Variants in BNC2 observed in about 807,000 individuals in gnomAD.
BNC2 encodes zinc finger protein basonuclin-2.
BNC2 carries 20 observed loss-of-function variants against 76.3 expected under a neutral mutation model. The observed-to-expected ratio is 0.26, with a 90% confidence interval of 0.18 to 0.38. The LOEUF (loss-of-function observed/expected upper bound fraction) is 0.38. Ranked by LOEUF, BNC2 falls within the 10% of genes least tolerant of loss-of-function variation. The pLI, the probability that BNC2 is intolerant of heterozygous loss-of-function variation, is 1.00. For missense variants in BNC2, 1,382 were observed against 1,399.8 expected (o/e 0.99, Z 0.20); for synonymous variants, 582 against 514.8 (o/e 1.13, Z -1.77).
chr9:16,515,123 G>A (rs941258812), intron 5 of BNC2, among the ~76,000 whole-genome samples: 1 of 152,170 alleles, frequency 6.6e-6, no homozygotes, highest in East Asian at 1.9e-4. Context: ...TGTTAATATT[G>A]CAAGTGGAAG....
intron 5 of BNC2, among the ~76,000 whole-genome samples, chr9:16,443,955 T>C (rs558245585): frequency 6.6e-6 from 1 of 152,298 alleles, no homozygotes; most frequent in Admixed American, 6.5e-5. Context: ...GCGGATTTTA[T>C]TGTATGGAAA....
intron 1 of BNC2, among the ~76,000 whole-genome samples, chr9:16,810,169 A>T (rs1194350330): frequency 6.6e-6 from 1 of 152,230 alleles, no homozygotes; most frequent in Non-Finnish European, 1.5e-5. Context: ...TAAAAAGAAT[A>T]TCATTATAAT....
At chr9:16,660,209 C>CTTCG (rs1165947631) in intron 3 of BNC2, among the ~76,000 whole-genome samples, 1 of 152,204 alleles carries the variant, frequency 6.6e-6, no homozygotes, top group Non-Finnish European at 1.5e-5. Context: ...AATCCCAGCA[C>CTTCG]TTCGGGAGGC....
intron 3 of BNC2, among the ~76,000 whole-genome samples, chr9:16,644,256 T>C (rs1206341909): frequency 6.6e-6 from 1 of 152,202 alleles, no homozygotes; most frequent in Non-Finnish European, 1.5e-5. Context: ...ATATCTAGAA[T>C]AACCTTAGGT....
At chr9:16,560,525 A>C (rs372533589) in intron 4 of BNC2, among the ~76,000 whole-genome samples, 3 of 149,136 alleles carry the variant, frequency 2.0e-5, no homozygotes, top group African/African-American at 7.6e-5. Context: ...CTGCCTGGAC[A>C]ACACAGTGAA....
chr9:16,715,340 A>G (rs977245039), intron 3 of BNC2, among the ~76,000 whole-genome samples: 5 of 152,214 alleles, frequency 3.3e-5, no homozygotes, highest in Admixed American at 3.3e-4. Context: ...CAGCACCAGA[A>G]ATATATTTAC....
At chr9:16,576,127 C>T (rs1819478536) in intron 4 of BNC2, among the ~76,000 whole-genome samples, 1 of 152,170 alleles carries the variant, frequency 6.6e-6, no homozygotes, top group African/African-American at 2.4e-5. Context: ...AGTGCCTGTG[C>T]TACTGTTCAC....
At position 16,595,811 on chromosome 9, in the gene BNC2, G is replaced by A. The variant is rs111672467; in HGVS notation, c.331-12726C>T. On this transcript the variant is annotated intron_variant, in intron 3 of 6. Transcript: ENST00000380672. ...AAAACAAATGCTTCAACATCACTGA[G>A]CAAAGCAAGAGACCTATGTAATGGT... 5.3e-3 allele frequency among the ~76,000 whole-genome samples: 812 copies of A among 152,182 alleles called. 6 individuals carry two copies. The highest frequency in any genetic ancestry group is 0.018 in the African/African-American group (766 of 41,494).
chr9:16,501,117 C>A (rs1563812618), intron 5 of BNC2, among the ~76,000 whole-genome samples: 2 of 100,866 alleles, frequency 2.0e-5, no homozygotes, highest in Admixed American at 8.8e-5. Context: ...ATCATACTTA[C>A]TACAGAGTTG....
chr9:16,544,213 A>T (rs1361571313), intron 5 of BNC2, among the ~76,000 whole-genome samples: 1 of 152,182 alleles, frequency 6.6e-6, no homozygotes, highest in Non-Finnish European at 1.5e-5. Context: ...GAGATCTCCT[A>T]TCTCAATATA....
intron 1 of BNC2, among the ~76,000 whole-genome samples, chr9:16,760,832 G>A (rs889387182): frequency 6.6e-6 from 1 of 152,078 alleles, no homozygotes; most frequent in African/African-American, 2.4e-5. Flanking sequence ...AATTTGGGGA[G>A]GAGAGGGAAA....
At chr9:16,736,678 G>C (rs2085973680) in intron 2 of BNC2, among the ~76,000 whole-genome samples, 1 of 151,626 alleles carries the variant, frequency 6.6e-6, no homozygotes, top group South Asian at 2.1e-4. Flanking sequence ...GTTTCAACAT[G>C]TTGGTCAGGC....
intron 1 of BNC2, among the ~76,000 whole-genome samples, chr9:16,801,743 A>AC (rs71327863): frequency 0.57 from 85,403 of 148,712 alleles, 27,779 homozygotes; most frequent in Non-Finnish European, 0.76. Flanking sequence ...AAAAAAAAAA[A>AC]ACACACACAC....
intron 3 of BNC2, among the ~76,000 whole-genome samples, chr9:16,682,418 A>C (rs1822852523): frequency 1.3e-5 from 2 of 151,886 alleles, no homozygotes; most frequent in Admixed American, 1.3e-4. Flanking sequence ...CCGTGATTCC[A>C]GAAGTGAATG....
At chr9:16,592,220 T>C (rs968318534) in intron 3 of BNC2, among the ~76,000 whole-genome samples, 65 of 152,278 alleles carry the variant, frequency 4.3e-4, no homozygotes, top group African/African-American at 1.4e-3. Flanking sequence ...CTGGGAAAAG[T>C]TGACCTTTGA....
chr9:16,769,853 C>A (rs953319744), intron 1 of BNC2, among the ~76,000 whole-genome samples: 1 of 152,086 alleles, frequency 6.6e-6, no homozygotes. Context: ...GTGAGAAAAC[C>A]CTGATGCTGT....
chr9:16,719,097 G>A (rs989826369), intron 3 of BNC2, among the ~76,000 whole-genome samples: 1 of 152,114 alleles, frequency 6.6e-6, no homozygotes, highest in African/African-American at 2.4e-5. Context: ...TTAGGTTCTG[G>A]CATGAGGTCA....
intron 5 of BNC2, among the ~76,000 whole-genome samples, chr9:16,497,278 C>A (rs775312331): frequency 6.6e-6 from 1 of 152,184 alleles, no homozygotes; most frequent in Non-Finnish European, 1.5e-5. Flanking sequence ...TATTCAGTAT[C>A]TCATTTATCC....
intron 3 of BNC2, among the ~76,000 whole-genome samples, chr9:16,605,600 T>C (rs1261024743): frequency 2.0e-5 from 3 of 152,198 alleles, no homozygotes; most frequent in Non-Finnish European, 4.4e-5. Context: ...ACATTTAAGA[T>C]GGACTGAATG....
Sources: gnomAD v4.1 joint callset for allele counts (sites outside exome capture counted in the v4.1 genomes callset) on GRCh38, gnomAD v4.1.1 for gene constraint, MANE v1.5 for transcripts, NCBI Gene and HGNC (gene_info 2026-07-23, HGNC 2026-07-21) for gene names.